Variants in PRKCA observed in about 807,000 individuals in gnomAD.
The protein encoded by PRKCA is protein kinase C alpha type.
In PRKCA, 27 loss-of-function variants were observed where a neutral mutation model predicts 87.0. That is an observed-to-expected ratio of 0.31 (90% confidence interval 0.23 to 0.43). The LOEUF (loss-of-function observed/expected upper bound fraction) is 0.43, where lower values mean the gene tolerates loss of function less well. PRKCA is among the 20% of genes least tolerant of loss of function. The pLI is 1.00. For missense variants in PRKCA, 518 were observed against 852.3 expected, an observed-to-expected ratio of 0.61 and a Z score of 4.88; for synonymous variants, 329 against 311.1, an observed-to-expected ratio of 1.06 and a Z score of -0.61.
At chr17:66,515,677 G>A (rs1332911059) in intron 3 of PRKCA, among the ~76,000 whole-genome samples, 2 of 152,082 alleles carry the variant, frequency 1.3e-5, no homozygotes, top group Non-Finnish European at 2.9e-5. Context: ...CCAAGTAGCT[G>A]GGACTGCAGG....
At chr17:66,355,690 G>T (rs955998187) in intron 2 of PRKCA, among the ~76,000 whole-genome samples, 2 of 152,094 alleles carry the variant, frequency 1.3e-5, no homozygotes, top group African/African-American at 4.8e-5. Context: ...CCTGCCCATT[G>T]CTGGTTTATT....
At chr17:66,682,621 C>T (rs913283783) in intron 5 of PRKCA, among the ~76,000 whole-genome samples, 2 of 152,186 alleles carry the variant, frequency 1.3e-5, no homozygotes, top group African/African-American at 2.4e-5. Flanking sequence ...TTAGAGACTA[C>T]CTGTCTTTTG....
chr17:66,499,460 C>G lies in PRKCA; in HGVS notation c.288+3177C>G, dbSNP rs922674096. 2.6e-5 allele frequency among the ~76,000 whole-genome samples: 4 copies of G among 152,262 alleles called. No homozygotes were observed. The East Asian group carries it at 7.7e-4, about 29-fold the overall frequency. On this transcript the variant is annotated intron_variant, in intron 3 of 16. Transcript: ENST00000413366. ...TAGGTAACATACAGTTTGTAAAGGA[C>G]AATCTTATTTACATGGGAAAGTCTT...
intron 8 of PRKCA, among the ~76,000 whole-genome samples, chr17:66,694,755 A>G (rs1013295259): frequency 2.3e-5 from 3 of 129,686 alleles, no homozygotes; most frequent in Non-Finnish European, 4.7e-5. Context: ...CTACATTCAC[A>G]TTTCCAATGG....
chr17:66,436,708 C>T (rs752491710), intron 2 of PRKCA, among the ~76,000 whole-genome samples: 11 of 152,238 alleles, frequency 7.2e-5, no homozygotes, highest in Middle Eastern at 3.4e-3. Context: ...TGGAGCTCAA[C>T]GCTGTGCCTT....
chr17:66,556,161 ATTTTGAACACAT>A (rs1968488238), intron 3 of PRKCA, among the ~76,000 whole-genome samples: 1 of 152,038 alleles, frequency 6.6e-6, no homozygotes, highest in Admixed American at 6.6e-5. Flanking sequence ...GATGCTTTCC[ATTTTGAACACAT>A]TTGGGCCTTT....
At chr17:66,623,756 C>T (rs1229897500) in intron 3 of PRKCA, among the ~76,000 whole-genome samples, 2 of 151,946 alleles carry the variant, frequency 1.3e-5, no homozygotes, top group African/African-American at 4.8e-5. Flanking sequence ...CTGGAGGGCC[C>T]CTTTAACCGA....
chr17:66,695,214 A>G (rs1972885241), intron 8 of PRKCA, among the ~76,000 whole-genome samples: 1 of 152,162 alleles, frequency 6.6e-6, no homozygotes, highest in Non-Finnish European at 1.5e-5. Context: ...CTCAAGAGAA[A>G]TCAAGCCAGA....
At chr17:66,478,871 G>A (rs1211436179) in intron 2 of PRKCA, among the ~76,000 whole-genome samples, 1 of 152,070 alleles carries the variant, frequency 6.6e-6, no homozygotes, top group African/African-American at 2.4e-5. Context: ...GTTTTTTGAA[G>A]CACTGTGTAT....
At chr17:66,755,468 C>T (rs766965997) in intron 13 of PRKCA, among the ~76,000 whole-genome samples, 18 of 152,292 alleles carry the variant, frequency 1.2e-4, no homozygotes, top group South Asian at 6.2e-4. Context: ...CCCAGGAGAC[C>T]GCTGAACCCC....
chr17:66,567,953 T>A (rs1464198447), intron 3 of PRKCA, among the ~76,000 whole-genome samples: 1 of 152,130 alleles, frequency 6.6e-6, no homozygotes, highest in Non-Finnish European at 1.5e-5. Context: ...CTGGAAAAAT[T>A]CTTAAACGGA....
chr17:66,724,095 G>C (rs1973682468), intron 8 of PRKCA, among the ~76,000 whole-genome samples: 2 of 152,106 alleles, frequency 1.3e-5, no homozygotes, highest in Admixed American at 1.3e-4. Context: ...ATGCATGTTT[G>C]GACTTAGTAG....
chr17:66,439,409 T>C (rs573098211), intron 2 of PRKCA, among the ~76,000 whole-genome samples: 1 of 152,306 alleles, frequency 6.6e-6, no homozygotes, highest in East Asian at 1.9e-4. Context: ...CTCGAACTCC[T>C]GACCTTGTGA....
rs1227640547 is a variant in PRKCA at position 66,807,256 on chromosome 17, A to G, written c.*3219A>G. 1 of 152,260 alleles carries G rather than the reference A, an allele frequency of 6.6e-6. No individual in the cohort carries two copies. The highest frequency in any genetic ancestry group is 2.4e-5 in the African/African-American group (1 of 41,462). 9.4% of individuals were successfully genotyped at this position (152,260 alleles called of 1,614,324 possible). A position where few individuals can be genotyped will look rare whatever the true frequency, so the allele number is the denominator to read the frequency against. ...CACCGTCCGAATCCCCGCAGGACCC[A>G]TGGAGCTATGACCACACCAGGCCAT... On this transcript the variant is annotated 3_prime_UTR_variant, in exon 17 of 17. Coordinates refer to ENST00000413366, the MANE Select transcript of PRKCA (RefSeq NM_002737.3). This position sits in a 1 kb window ranked among gnomAD's most constrained non-coding sequence, Gnocchi z 4.3.
intron 3 of PRKCA, among the ~76,000 whole-genome samples, chr17:66,528,544 T>C (rs563595617): frequency 1.3e-5 from 2 of 152,202 alleles, no homozygotes; most frequent in East Asian, 3.9e-4. Flanking sequence ...CCTTCAAACA[T>C]GGAGGAAGGG....
chr17:66,764,588 A>G (rs940238846), intron 13 of PRKCA, among the ~76,000 whole-genome samples: 3 of 152,232 alleles, frequency 2.0e-5, no homozygotes, highest in Non-Finnish European at 4.4e-5. Context: ...TCTTGTAAGT[A>G]TAATAATAAT....
At chr17:66,717,103 A>G (rs920222827) in intron 8 of PRKCA, among the ~76,000 whole-genome samples, 8 of 152,190 alleles carry the variant, frequency 5.3e-5, no homozygotes, top group African/African-American at 1.9e-4. Context: ...GTTGTGATAG[A>G]TTAAGAAGAT....
intron 2 of PRKCA, among the ~76,000 whole-genome samples, chr17:66,470,546 A>G (rs1332267073): frequency 1.3e-5 from 2 of 151,942 alleles, no homozygotes; most frequent in African/African-American, 2.4e-5. Context: ...CATTTTTTAC[A>G]GGGCAGAGAC....
intron 2 of PRKCA, among the ~76,000 whole-genome samples, chr17:66,331,874 G>C (rs1320432194): frequency 6.6e-6 from 1 of 152,122 alleles, no homozygotes; most frequent in Non-Finnish European, 1.5e-5. Flanking sequence ...ATAACCTCTT[G>C]GTTGGTAAAT....
Sources: gnomAD v4.1 joint callset for allele counts (sites outside exome capture counted in the v4.1 genomes callset) on GRCh38, gnomAD v4.1.1 for gene constraint, Gnocchi (gnomAD v3.1) non-coding constraint, MANE v1.5 for transcripts, NCBI Gene and HGNC (gene_info 2026-07-23, HGNC 2026-07-21) for gene names.